The following SHISA5 variants were observed in gnomAD, a reference collection of about 807,000 sequenced individuals.
SHISA5 encodes protein shisa-5.
Under a neutral mutation model 27.5 loss-of-function variants are expected in SHISA5, and 21 were observed. The ratio of observed to expected loss-of-function variants is 0.76; its 90% CI spans 0.54 to 1.10. SHISA5 has a LOEUF of 1.10. Ranked by LOEUF, SHISA5 falls within the 50% of genes least tolerant of loss-of-function variation. The pLI, the probability that SHISA5 is intolerant of heterozygous loss-of-function variation, is 0.00. For synonymous variants in SHISA5, 137 were observed against 142.2 expected, an observed-to-expected ratio of 0.96 and a Z score of 0.26; for missense variants, 314 against 336.3, an observed-to-expected ratio of 0.93 and a Z score of 0.52.
chr3:48,479,135 C>A (rs1575312606), intron 3 of SHISA5, 42 bp downstream of exon 3: 1 of 1,562,060 alleles, frequency 6.4e-7, no homozygotes, highest in Admixed American at 1.9e-5. Flanking sequence ...CCTCTTGTCA[C>A]CTTTGCCAGG....
intron 2 of SHISA5, among the ~76,000 whole-genome samples, chr3:48,492,242 G>C (rs112288554): frequency 6.6e-6 from 1 of 150,576 alleles, no homozygotes; most frequent in South Asian, 2.1e-4. Flanking sequence ...AGGCCGAGGC[G>C]GGCGGATCAC....
chr3:48,480,362 C>T (rs1284856572), intron 2 of SHISA5, among the ~76,000 whole-genome samples: 1 of 150,676 alleles, frequency 6.6e-6, no homozygotes, highest in East Asian at 1.9e-4. Flanking sequence ...GGATACTTAC[C>T]TGGCAGGGGA....
chr3:48,501,601 C>T (rs538629853), intron 1 of SHISA5, among the ~76,000 whole-genome samples: 3 of 152,284 alleles, frequency 2.0e-5, no homozygotes, highest in Non-Finnish European at 4.4e-5. Flanking sequence ...GCTCTCAAAC[C>T]TCCCCTAATT....
Position 48,504,116 on chromosome 3 carries a change from G to GACGGACGC in SHISA5, c.-30_-23dup, listed in dbSNP as rs2041834335. 4 of 1,227,326 alleles carry GACGGACGC rather than the reference G, an allele frequency of 3.3e-6. No homozygotes were observed. The East Asian group carries it at 9.5e-5, about 29-fold the overall frequency. 76.0% of individuals were successfully genotyped at this position (1,227,326 alleles called of 1,614,324 possible). On this transcript the variant is annotated 5_prime_UTR_variant, in exon 1 of 6. Coordinates refer to ENST00000296444, the MANE Select transcript of SHISA5 (RefSeq NM_016479.6). The surrounding 1 kb of genome is among the most constrained non-coding windows in gnomAD (Gnocchi z 4.0). ...TCATGGCTGGGCGGGCGGACGGGCGGACGGACGCGAGCGCCGGGCGCAGTG... is the reference window on the plus strand; with the variant it reads ...TCATGGCTGGGCGGGCGGACGGGCGGACGGACGCACGGACGCGAGCGCCGGGCGCAGTG...
intron 2 of SHISA5, among the ~76,000 whole-genome samples, chr3:48,498,017 A>G (rs1267428140): frequency 6.6e-6 from 1 of 152,230 alleles, no homozygotes; most frequent in Non-Finnish European, 1.5e-5. Flanking sequence ...CTAAGAAAAA[A>G]TAACCATCAA....
At chr3:48,475,394 C>T (rs1028554680) in intron 3 of SHISA5, among the ~76,000 whole-genome samples, 47 of 152,228 alleles carry the variant, frequency 3.1e-4, no homozygotes, top group Admixed American at 7.2e-4. Flanking sequence ...GCAGCCACCC[C>T]GGCAGGGAGT....
At position 48,472,305 on chromosome 3, in the gene SHISA5, TA is replaced by T. The variant is rs1560119546; in HGVS notation, c.315-2463del. Reference sequence around the variant, plus strand: ...GAATTTGAGACCAGCCTGGGCAACATAGTGAAACCCCATCTCTACTAAAATA... The same window carrying T: ...GAATTTGAGACCAGCCTGGGCAACATGTGAAACCCCATCTCTACTAAAATA... On this transcript the variant is annotated intron_variant, in intron 3 of 5. Transcript: ENST00000296444. 3.0e-3 allele frequency among the ~76,000 whole-genome samples: 454 copies of T among 151,364 alleles called. 2 individuals are homozygous for T. Among genetic ancestry groups the T allele is most frequent in the African/African-American group, 0.011 (440 of 41,190 alleles).
Position 48,504,014 on chromosome 3 carries a change from C to G in SHISA5, c.76+5G>C. The G allele has an allele frequency of 6.8e-7, 1 of 1,468,174 alleles. No individual in the cohort carries two copies. The highest frequency in any genetic ancestry group is 9.0e-7 in the Non-Finnish European group (1 of 1,107,552). The allele number at this position is 1,468,174 out of a possible 1,614,324, so 90.9% of individuals were successfully genotyped here. A position where few individuals can be genotyped will look rare whatever the true frequency, so the allele number is the denominator to read the frequency against. On this transcript the variant is annotated splice_donor_5th_base_variant and intron_variant, in intron 1 of 5. Transcript: ENST00000296444. The surrounding 1 kb of genome is among the most constrained non-coding windows in gnomAD (Gnocchi z 4.0). ...CAGGACGGGCCGCCCCCACCCCCGG[C>G]TCACCACCCGGAGGCGGCGTTAGCA...
At chr3:48,499,244 G>A (rs2041678213) in intron 2 of SHISA5, among the ~76,000 whole-genome samples, 1 of 152,022 alleles carries the variant, frequency 6.6e-6, no homozygotes, top group South Asian at 2.1e-4. Flanking sequence ...CACCAATCAC[G>A]ACTTACTGCA....
At chr3:48,485,641 T>C (rs1323921409) in intron 2 of SHISA5, among the ~76,000 whole-genome samples, 13 of 144,784 alleles carry the variant, frequency 9.0e-5, no homozygotes, top group Non-Finnish European at 1.7e-4. Flanking sequence ...TATATATAAG[T>C]ATATATTATA....
At chr3:48,485,535 TATATATTATATATATA>T (rs528177873) in intron 2 of SHISA5, among the ~76,000 whole-genome samples, 2,678 of 143,514 alleles carry the variant, frequency 0.019, 46 homozygotes, top group Middle Eastern at 0.13. Context: ...ATATTAAATA[TATATATTATATATATA>T]ATATATTATA....
intron 1 of SHISA5, chr3:48,503,806 C>A: frequency 8.0e-7 from 1 of 1,253,696 alleles, no homozygotes; most frequent in Non-Finnish European, 1.0e-6. Context: ...AAGGTGGCAG[C>A]TGCCTGGTGT....
At position 48,499,047 on chromosome 3, in the gene SHISA5, A is replaced by C. The variant is rs180992261; in HGVS notation, c.233+2090T>G. Among the ~76,000 whole-genome samples the C allele has an allele frequency of 2.0e-5, 3 of 147,368 alleles. No homozygotes were observed. The Admixed American group carries it at 2.1e-4, about 10-fold the overall frequency. ...TGGTGAGCCAAGAACACACCATTGC[A>C]CTCCAGCCTGGGCAACAAGAACGAA... On this transcript the variant is annotated intron_variant, in intron 2 of 5. Coordinates refer to ENST00000296444, the MANE Select transcript of SHISA5 (RefSeq NM_016479.6).
chr3:48,492,274 T>C (rs376281674), intron 2 of SHISA5, among the ~76,000 whole-genome samples: 20 of 140,910 alleles, frequency 1.4e-4, no homozygotes, highest in African/African-American at 4.9e-4. Flanking sequence ...ATCAAGACCA[T>C]CCTGGCAAAC....
intron 1 of SHISA5, chr3:48,502,444 T>A: frequency 2.2e-6 from 1 of 456,260 alleles, no homozygotes; most frequent in South Asian, 1.6e-5. Context: ...AGTGGCACCA[T>A]CTGTAGCCCT....
At chr3:48,476,793 C>G (rs536139593) in intron 3 of SHISA5, 1 of 227,948 alleles carries the variant, frequency 4.4e-6, no homozygotes, top group African/African-American at 2.4e-5. Context: ...ACATGAGGCG[C>G]GGGAGGGGGA....
chr3:48,476,344 A>G (rs1174601242), intron 3 of SHISA5, among the ~76,000 whole-genome samples: 1 of 150,506 alleles, frequency 6.6e-6, no homozygotes, highest in Non-Finnish European at 1.5e-5. Context: ...TCCATCTCAA[A>G]AAAAAAAAAA....
At chr3:48,480,014 C>T (rs1365782074) in intron 2 of SHISA5, among the ~76,000 whole-genome samples, 2 of 152,128 alleles carry the variant, frequency 1.3e-5, no homozygotes, top group Non-Finnish European at 2.9e-5. Flanking sequence ...CACCGTTCTC[C>T]TGCCTCAGCC....
chr3:48,470,789 C>A lies in SHISA5; in HGVS notation c.315-946G>T, dbSNP rs187370645. Among the ~76,000 whole-genome samples the A allele has an allele frequency of 9.5e-3, 1,445 of 152,082 alleles. 19 individuals are homozygous for A. The highest frequency in any genetic ancestry group is 0.033 in the African/African-American group (1,365 of 41,514). Reference sequence around the variant, plus strand: ...TAAAAATACAAAAATTAGTCGGGCACGGTGGCGGGTGCCTGTAATCCCAGC... The same window carrying A: ...TAAAAATACAAAAATTAGTCGGGCAAGGTGGCGGGTGCCTGTAATCCCAGC... On this transcript the variant is annotated intron_variant, in intron 3 of 5. Coordinates refer to ENST00000296444, the MANE Select transcript of SHISA5 (RefSeq NM_016479.6). The surrounding 1 kb of genome is among the most constrained non-coding windows in gnomAD (Gnocchi z 4.3).
Sources: gnomAD v4.1 joint callset for allele counts (sites outside exome capture counted in the v4.1 genomes callset) on GRCh38, gnomAD v4.1.1 for gene constraint, Gnocchi (gnomAD v3.1) non-coding constraint, MANE v1.5 for transcripts, NCBI Gene and HGNC (gene_info 2026-07-23, HGNC 2026-07-21) for gene names.